CERKL: variants seen among roughly 807,000 people sequenced by gnomAD.
CERKL encodes the protein CERK like autophagy regulator.
A neutral mutation model predicts 63.4 loss-of-function variants in CERKL; 61 were observed. That is an observed-to-expected ratio of 0.96 (90% CI 0.78 to 1.19). The LOEUF is 1.19. Ranked by LOEUF, CERKL falls within the 50% of genes most tolerant of loss-of-function variation. The pLI, the probability that CERKL is intolerant of heterozygous loss-of-function variation, is 0.00. For missense variants in CERKL, 675 were observed against 655.5 expected (o/e 1.03, Z -0.33); for synonymous variants, 250 against 230.5 (o/e 1.08, Z -0.77).
At chr2:181,653,324 TAC>T (rs1688017038) in intron 1 of CERKL, among the ~76,000 whole-genome samples, 1 of 152,130 alleles carries the variant, frequency 6.6e-6, no homozygotes, top group Non-Finnish European at 1.5e-5. Context: ...TGTAAACTAG[TAC>T]AGTCAATATG....
In CERKL at chr2:181,539,215, T is replaced by C. The variant is rs374225297; in HGVS notation, c.1415A>G (p.His472Arg). ...ETYTVEEVKVHPRNNTGGYNP... is the reference protein window; with the variant it reads ...ETYTVEEVKVRPRNNTGGYNP... Reference sequence around the variant, plus strand: ...ATATCCACCAGTATTATTCCTTGGATGAACTTTTACTTCCTCAACAGTGTA... The same window carrying C: ...ATATCCACCAGTATTATTCCTTGGACGAACTTTTACTTCCTCAACAGTGTA... Residue 472 changes from histidine to arginine, a missense_variant, in exon 12 of 13, where the codon CAT becomes CGT. Coordinates refer to ENST00000410087, the MANE Select transcript of CERKL (RefSeq NM_201548.5). 73 of 1,604,932 alleles carry C rather than the reference T, an allele frequency of 4.5e-5. No homozygotes were observed. Among genetic ancestry groups the C allele is most frequent in the Middle Eastern group, 1.6e-4 (1 of 6,064 alleles).
intron 1 of CERKL, among the ~76,000 whole-genome samples, chr2:181,614,089 C>T (rs1686087670): frequency 6.6e-6 from 1 of 151,114 alleles, no homozygotes; most frequent in Non-Finnish European, 1.5e-5. Flanking sequence ...TACCGAAGTT[C>T]TTATATGAGG....
intron 1 of CERKL, among the ~76,000 whole-genome samples, chr2:181,619,278 C>T (rs1215416505): frequency 6.6e-6 from 1 of 151,452 alleles, no homozygotes; most frequent in East Asian, 1.9e-4. Flanking sequence ...AGAATGGCAC[C>T]AACAGAAAAC....
intron 1 of CERKL, among the ~76,000 whole-genome samples, chr2:181,648,901 C>T (rs972938730): frequency 2.6e-5 from 4 of 151,980 alleles, no homozygotes; most frequent in African/African-American, 9.7e-5. Flanking sequence ...ATGGTACCCA[C>T]AAAGAAAGCA....
At chr2:181,655,765 T>G (rs1688126768) in intron 1 of CERKL, among the ~76,000 whole-genome samples, 1 of 152,210 alleles carries the variant, frequency 6.6e-6, no homozygotes, top group Non-Finnish European at 1.5e-5. Flanking sequence ...CATAAATTTG[T>G]ATTTAGCTAA....
At chr2:181,645,297 T>TA (rs1687622007) in intron 1 of CERKL, among the ~76,000 whole-genome samples, 1 of 152,212 alleles carries the variant, frequency 6.6e-6, no homozygotes, top group East Asian at 1.9e-4. Context: ...TAGGCAAAAC[T>TA]AAAGTTCATG....
At chr2:181,616,016 A>G (rs1394790108) in intron 1 of CERKL, among the ~76,000 whole-genome samples, 1 of 152,148 alleles carries the variant, frequency 6.6e-6, no homozygotes, top group African/African-American at 2.4e-5. Flanking sequence ...ATTACAGTCC[A>G]ATCGCAAATG....
At chr2:181,603,762 C>G in intron 2 of CERKL, 75 bp downstream of exon 2, 1 of 1,466,610 alleles carries the variant, frequency 6.8e-7, no homozygotes, top group Non-Finnish European at 9.5e-7. Flanking sequence ...GTTGTTTTTA[C>G]TCAAAACATG....
At chr2:181,592,937 C>T (rs1452976545) in intron 2 of CERKL, among the ~76,000 whole-genome samples, 2 of 152,176 alleles carry the variant, frequency 1.3e-5, no homozygotes, top group African/African-American at 4.8e-5. Context: ...TCTGGAAAGA[C>T]AATGCTTAAT....
intron 1 of CERKL, among the ~76,000 whole-genome samples, chr2:181,606,677 C>A (rs916719426): frequency 2.0e-5 from 3 of 151,928 alleles, no homozygotes; most frequent in African/African-American, 7.3e-5. Flanking sequence ...TCTTAGAAGG[C>A]TCAAGTTTCA....
At chr2:181,625,490 G>C (rs146906020) in intron 1 of CERKL, among the ~76,000 whole-genome samples, 1 of 152,124 alleles carries the variant, frequency 6.6e-6, no homozygotes, top group East Asian at 1.9e-4. Flanking sequence ...CAAATGGTAT[G>C]CCATGTTTTA....
intron 1 of CERKL, among the ~76,000 whole-genome samples, chr2:181,627,552 C>A (rs1233092690): frequency 1.3e-5 from 2 of 152,156 alleles, no homozygotes; most frequent in Non-Finnish European, 2.9e-5. Context: ...TTTAGGTGTC[C>A]TAGTCACAAT....
At chr2:181,591,977 A>G (rs1199145235) in intron 2 of CERKL, among the ~76,000 whole-genome samples, 1 of 152,178 alleles carries the variant, frequency 6.6e-6, no homozygotes, top group African/African-American at 2.4e-5. Context: ...GTTGTGCCGA[A>G]AAGTGAGATG....
chr2:181,602,619 TG>T (rs1359485713), intron 2 of CERKL, among the ~76,000 whole-genome samples: 3 of 152,232 alleles, frequency 2.0e-5, no homozygotes, highest in Non-Finnish European at 4.4e-5. Context: ...TTTAATGTAA[TG>T]TCACTTCAGC....
chr2:181,625,993 C>T (rs909503971), intron 1 of CERKL, among the ~76,000 whole-genome samples: 1 of 152,088 alleles, frequency 6.6e-6, no homozygotes, highest in Non-Finnish European at 1.5e-5. Context: ...GCTCACTACA[C>T]CATAAACTGG....
intron 1 of CERKL, among the ~76,000 whole-genome samples, chr2:181,607,729 T>C (rs1385470322): frequency 6.6e-6 from 1 of 152,098 alleles, no homozygotes; most frequent in African/African-American, 2.4e-5. Flanking sequence ...TCCTCTACCC[T>C]CAAGAATGAA....
Position 181,617,541 on chromosome 2 carries a change from T to G in CERKL, c.239-13462A>C, listed in dbSNP as rs902396902. Reference sequence around the variant, plus strand: ...GTAAAACTTGTAAGTGTGATGATGATCTTAACAGCTTTCTAATCTCAAAGA... The same window carrying G: ...GTAAAACTTGTAAGTGTGATGATGAGCTTAACAGCTTTCTAATCTCAAAGA... On this transcript the variant is annotated intron_variant, in intron 1 of 12. Coordinates refer to ENST00000410087, the MANE Select transcript of CERKL (RefSeq NM_201548.5). 5 of 152,216 alleles carry G rather than the reference T, an allele frequency of 3.3e-5. No individual in the cohort carries two copies. In the South Asian group the frequency reaches 6.2e-4, roughly 19 times the overall value. 9.4% of individuals were successfully genotyped at this position (152,216 alleles called of 1,614,324 possible).
intron 2 of CERKL, among the ~76,000 whole-genome samples, chr2:181,593,176 C>T (rs1309061173): frequency 6.6e-6 from 1 of 152,098 alleles, no homozygotes; most frequent in Non-Finnish European, 1.5e-5. Context: ...AGTGGTAAAG[C>T]TAGGGACCAA....
intron 4 of CERKL, among the ~76,000 whole-genome samples, chr2:181,564,494 T>C (rs1305584145): frequency 6.6e-6 from 1 of 152,094 alleles, no homozygotes; most frequent in African/African-American, 2.4e-5. Context: ...ACACCTGCCA[T>C]GAAAAATAAA....
Sources: allele counts gnomAD v4.1 joint callset (sites outside exome capture counted in the v4.1 genomes callset), GRCh38; gene constraint gnomAD v4.1.1; transcripts MANE v1.5; gene names NCBI Gene and HGNC (gene_info 2026-07-23, HGNC 2026-07-21).